CDH4: variants seen among roughly 807,000 people sequenced by gnomAD.
The protein encoded by CDH4 is cadherin 4.
A neutral mutation model predicts 86.0 loss-of-function variants in CDH4; 33 were observed. That is an observed-to-expected ratio of 0.38 (90% CI 0.29 to 0.51). The LOEUF (loss-of-function observed/expected upper bound fraction) is 0.51. CDH4 is among the 20% of genes least tolerant of loss of function. CDH4 has a pLI of 0.86. For missense variants in CDH4, 1,114 were observed against 1,307.4 expected (o/e 0.85, Z 2.28); for synonymous variants, 555 against 549.4 (o/e 1.01, Z -0.14).
At chr20:61,850,344 G>T (rs1029972531) in intron 5 of CDH4, among the ~76,000 whole-genome samples, 10 of 152,224 alleles carry the variant, frequency 6.6e-5, no homozygotes, top group African/African-American at 2.4e-4. Flanking sequence ...CGCACGGTGC[G>T]TGTTGGCTGC....
chr20:61,492,139 G>T (rs2085630272), intron 2 of CDH4, among the ~76,000 whole-genome samples: 2 of 151,462 alleles, frequency 1.3e-5, no homozygotes. Context: ...AATGTTGGTG[G>T]TGTCGATATT....
rs140990428 is a variant in CDH4 at position 61,595,799 on chromosome 20, C to T, written c.170-147764C>T. 3.9e-3 allele frequency among the ~76,000 whole-genome samples: 589 copies of T among 152,272 alleles called. 3 individuals are homozygous for T. Among genetic ancestry groups the T allele is most frequent in the African/African-American group, 0.013 (556 of 41,558 alleles). ...ATTTGTGGACTACATTTTGGGAGCACGTGGGTGGGAAAGATGAACTATCAG... is the reference window on the plus strand; with the variant it reads ...ATTTGTGGACTACATTTTGGGAGCATGTGGGTGGGAAAGATGAACTATCAG... On this transcript the variant is annotated intron_variant, in intron 2 of 15. Transcript: ENST00000614565.
chr20:61,371,542 G>A (rs1403840118), intron 2 of CDH4, among the ~76,000 whole-genome samples: 5 of 152,246 alleles, frequency 3.3e-5, no homozygotes, highest in Admixed American at 6.5e-5. Context: ...CAGACAGCTC[G>A]TTTTTCTTCC....
intron 2 of CDH4, among the ~76,000 whole-genome samples, chr20:61,267,682 G>A (rs1639352845): frequency 6.6e-6 from 1 of 152,106 alleles, no homozygotes; most frequent in Non-Finnish European, 1.5e-5. Flanking sequence ...TAAATATTTT[G>A]TTAATCTAAA....
chr20:61,636,742 C>A (rs1412439530), intron 2 of CDH4, among the ~76,000 whole-genome samples: 1 of 152,242 alleles, frequency 6.6e-6, no homozygotes, highest in Non-Finnish European at 1.5e-5. Flanking sequence ...GCCCCAGACT[C>A]CTGAGTCGCT....
intron 2 of CDH4, among the ~76,000 whole-genome samples, chr20:61,648,957 G>A (rs1332161602): frequency 5.9e-5 from 9 of 152,190 alleles, no homozygotes; most frequent in Non-Finnish European, 1.2e-4. Flanking sequence ...GCCATCGGGG[G>A]CCATCTGGTC....
intron 2 of CDH4, among the ~76,000 whole-genome samples, chr20:61,322,387 C>T (rs2084513687): frequency 6.6e-6 from 1 of 152,226 alleles, no homozygotes; most frequent in African/African-American, 2.4e-5. Context: ...CAGCCCACAC[C>T]TGCAGCTGAA....
intron 2 of CDH4, among the ~76,000 whole-genome samples, chr20:61,460,073 C>T (rs1191766305): frequency 6.6e-6 from 1 of 152,176 alleles, no homozygotes; most frequent in Non-Finnish European, 1.5e-5. Flanking sequence ...CATTGTCAAT[C>T]AGTGGATATT....
chr20:61,769,212 C>A (rs572317176), intron 3 of CDH4, among the ~76,000 whole-genome samples: 3 of 152,200 alleles, frequency 2.0e-5, no homozygotes, highest in African/African-American at 7.2e-5. Context: ...GGCTGGGAGA[C>A]GCCCTGTTCT....
At chr20:61,660,522 C>T (rs2087241184) in intron 2 of CDH4, among the ~76,000 whole-genome samples, 2 of 152,194 alleles carry the variant, frequency 1.3e-5, no homozygotes, top group Non-Finnish European at 2.9e-5. Context: ...CAAACATCAG[C>T]CGTGGCAAGT....
chr20:61,788,746 C>G (rs1368326313), intron 4 of CDH4, among the ~76,000 whole-genome samples: 4 of 152,190 alleles, frequency 2.6e-5, no homozygotes, highest in African/African-American at 9.7e-5. Flanking sequence ...GGAGGGAAAG[C>G]CACCTCCCCA....
At chr20:61,677,695 A>ACG (rs1436401996) in intron 2 of CDH4, among the ~76,000 whole-genome samples, 1,474 of 145,786 alleles carry the variant, frequency 0.01, 16 homozygotes, top group Middle Eastern at 0.024. Flanking sequence ...ACGGACGGAC[A>ACG]GACGGACGGA....
intron 2 of CDH4, among the ~76,000 whole-genome samples, chr20:61,701,533 C>A (rs750485097): frequency 2.0e-5 from 3 of 152,214 alleles, no homozygotes; most frequent in Non-Finnish European, 2.9e-5. Flanking sequence ...CCCATCCTCA[C>A]TGGGTGGGGA....
At chr20:61,391,930 C>G (rs1449672127) in intron 2 of CDH4, among the ~76,000 whole-genome samples, 4 of 152,050 alleles carry the variant, frequency 2.6e-5, no homozygotes. Flanking sequence ...TACACTTCCC[C>G]CTGCCTGCAT....
chr20:61,403,308 G>A (rs1316449), intron 2 of CDH4, among the ~76,000 whole-genome samples: 76,626 of 152,036 alleles, frequency 0.5, 20,488 homozygotes, highest in African/African-American at 0.68. Flanking sequence ...ATACAGCCCT[G>A]TGGGTTTGAG....
chr20:61,711,401 A>G (rs934779714), intron 2 of CDH4, among the ~76,000 whole-genome samples: 9 of 152,246 alleles, frequency 5.9e-5, no homozygotes, highest in Non-Finnish European at 1.2e-4. Flanking sequence ...GAAGGCTTGC[A>G]GGCTAGCCAA....
At chr20:61,361,602 G>C (rs1290211843) in intron 2 of CDH4, among the ~76,000 whole-genome samples, 2 of 152,196 alleles carry the variant, frequency 1.3e-5, no homozygotes, top group Admixed American at 1.3e-4. Context: ...GTTTCCGACA[G>C]TCGTGCGTGG....
intron 6 of CDH4, among the ~76,000 whole-genome samples, chr20:61,861,128 G>A (rs887515076): frequency 1.3e-5 from 2 of 152,176 alleles, no homozygotes; most frequent in African/African-American, 2.4e-5. Context: ...CCCAAGAACC[G>A]CACTGGACGT....
At chr20:61,353,535 A>C (rs1057322608) in intron 2 of CDH4, among the ~76,000 whole-genome samples, 3 of 135,606 alleles carry the variant, frequency 2.2e-5, no homozygotes, top group Non-Finnish European at 4.8e-5. Context: ...ATTCCACAGC[A>C]CTGAGAGTGG....
Sources: allele counts gnomAD v4.1 joint callset (sites outside exome capture counted in the v4.1 genomes callset), GRCh38; gene constraint gnomAD v4.1.1; transcripts MANE v1.5; gene names NCBI Gene and HGNC (gene_info 2026-07-23, HGNC 2026-07-21).